The following FBXO27 variants were observed in gnomAD, a reference collection of about 807,000 sequenced individuals.
FBXO27 encodes F-box protein 27.
FBXO27 carries 28 observed loss-of-function variants against 28.3 expected under a neutral mutation model. The observed-to-expected ratio is 0.99, with a 90% CI of 0.73 to 1.36. FBXO27 has a LOEUF of 1.36. Ranked by LOEUF, FBXO27 falls within the 40% of genes most tolerant of loss-of-function variation. FBXO27 has a pLI of 0.00. For missense variants in FBXO27, 388 were observed against 394.1 expected (o/e 0.98, Z 0.13); for synonymous variants, 175 against 167.3 (o/e 1.05, Z -0.36).
intron 2 of FBXO27, among the ~76,000 whole-genome samples, chr19:39,008,057 G>A (rs1600221260): frequency 6.6e-6 from 1 of 152,116 alleles, no homozygotes; most frequent in South Asian, 2.1e-4. Context: ...GAGCTTAGGA[G>A]CTCGAGACCA....
rs2072864076 is a variant in FBXO27, at chr19:39,024,951, C to G, written c.*460G>C. The stretch of plus-strand genomic sequence containing the variant: ...CTCTCTGAGCCCTAAGGATGAGATT[C>G]TAAGTTCAGAGATGAGTTGAGGGCT... On this transcript the variant is annotated 3_prime_UTR_variant, in exon 6 of 6. Transcript: ENST00000292853. 1 of 155,328 alleles carries G rather than the reference C, an allele frequency of 6.4e-6. No homozygotes were observed. Among genetic ancestry groups the G allele is most frequent in the Non-Finnish European group, 1.4e-5 (1 of 70,060 alleles). The allele number at this position is 155,328 out of a possible 1,614,324, so 9.6% of individuals were successfully genotyped here.
Position 39,032,324 on chromosome 19 carries a change from A to AT in FBXO27, c.-26-72dup. On this transcript the variant is annotated intron_variant, in intron 1 of 5. Transcript: ENST00000292853. The surrounding 1 kb of genome is among the most constrained non-coding windows in gnomAD (Gnocchi z 4.7). ...CGGCGCGCAGCCTCTGCCTGCCCTG[A>AT]TTCTGCCAGCCGCACCCCCGTCTTC... is the stretch of plus-strand genomic sequence containing the variant. 7.4e-7 allele frequency: 1 copy of AT among 1,358,518 alleles called. No homozygotes were observed. The highest frequency in any genetic ancestry group is 9.4e-7 in the Non-Finnish European group (1 of 1,060,954). The allele number at this position is 1,358,518 out of a possible 1,614,324, so 84.2% of individuals were successfully genotyped here. A position where few individuals can be genotyped will look rare whatever the true frequency, so the allele number is the denominator to read the frequency against.
Position 39,025,562 on chromosome 19 carries a change from C to G in FBXO27, c.709-8G>C. On this transcript the variant is annotated splice_region_variant and splice_polypyrimidine_tract_variant and intron_variant, in intron 5 of 5. Transcript: ENST00000292853. ...GGAGAACACGTGGGTGACCTGTAGG[C>G]AGAGGAGGGGCTCAGCTCCATTGTG... is the stretch of plus-strand genomic sequence containing the variant. The G allele has an allele frequency of 6.2e-7, 1 of 1,611,504 alleles. No homozygotes were observed. Among genetic ancestry groups the G allele is most frequent in the Non-Finnish European group, 8.5e-7 (1 of 1,178,570 alleles).
intron 2 of FBXO27, among the ~76,000 whole-genome samples, chr19:39,008,088 C>T (rs1217881979): frequency 6.6e-6 from 1 of 151,902 alleles, no homozygotes. Flanking sequence ...CATGGTGAAA[C>T]CCCCATCTCT....
chr19:39,018,760 C>A (rs1255767200), intron 1 of FBXO27, among the ~76,000 whole-genome samples: 5 of 152,094 alleles, frequency 3.3e-5, no homozygotes, highest in African/African-American at 1.2e-4. Context: ...TTGTGAAATA[C>A]CTTTTTATCT....
intron 2 of FBXO27, among the ~76,000 whole-genome samples, chr19:39,013,942 G>T (rs535666451): frequency 2.0e-5 from 3 of 152,100 alleles, no homozygotes; most frequent in Non-Finnish European, 2.9e-5. Context: ...GAACCTGGGA[G>T]GCAGAGCTTG....
chr19:39,007,844 T>C (rs1346475922), intron 2 of FBXO27, among the ~76,000 whole-genome samples: 1 of 152,094 alleles, frequency 6.6e-6, no homozygotes, highest in Non-Finnish European at 1.5e-5. Context: ...AGTTTCCCTA[T>C]GTTGCCCAGG....
At chr19:39,031,382 A>ACG in intron 2 of FBXO27, 62 bp from the exon 3 acceptor site, 1 of 1,483,906 alleles carries the variant, frequency 6.7e-7, no homozygotes, top group Non-Finnish European at 9.3e-7. Context: ...TCCTAGTGAG[A>ACG]CCCCGCCCCT....
Sources: allele counts gnomAD v4.1 joint callset (sites outside exome capture counted in the v4.1 genomes callset), GRCh38; gene constraint gnomAD v4.1.1; non-coding constraint Gnocchi (gnomAD v3.1); transcripts MANE v1.5; gene names NCBI Gene and HGNC (gene_info 2026-07-23, HGNC 2026-07-21).